The following GSE1 variants were observed in gnomAD, a reference collection of about 807,000 sequenced individuals.
GSE1 encodes the protein Gse1 coiled-coil protein.
A neutral mutation model predicts 112.6 loss-of-function variants in GSE1; 32 were observed. That is an observed-to-expected ratio of 0.28 (90% CI 0.21 to 0.38). The LOEUF is 0.38. GSE1 is among the 10% of genes least tolerant of loss of function. The pLI is 1.00. For missense variants in GSE1, 2,348 were observed against 1,699.2 expected, an observed-to-expected ratio of 1.38 and a Z score of -6.71; for synonymous variants, 1,115 against 735.6, an observed-to-expected ratio of 1.52 and a Z score of -8.35.
chr16:85,371,671 C>G (rs2047304203), intron 2 of GSE1, among the ~76,000 whole-genome samples: 1 of 152,198 alleles, frequency 6.6e-6, no homozygotes, highest in South Asian at 2.1e-4. Context: ...TTACGGGACA[C>G]AGGCTGGCAC....
At chr16:85,475,987 G>T (rs2050441953) in intron 2 of GSE1, among the ~76,000 whole-genome samples, 1 of 152,098 alleles carries the variant, frequency 6.6e-6, no homozygotes, top group South Asian at 2.1e-4. Flanking sequence ...TTGGAGTGCA[G>T]TGACACGATC....
intron 1 of GSE1, among the ~76,000 whole-genome samples, chr16:85,568,690 A>G (rs1326763049): frequency 6.6e-6 from 1 of 151,758 alleles, no homozygotes; most frequent in Non-Finnish European, 1.5e-5. Flanking sequence ...TTCCCCATTC[A>G]CTCCCTTAGT....
rs182065555 is a variant in GSE1, at chr16:85,488,600, C to T, written c.2464+130957C>T. 4.6e-5 allele frequency among the ~76,000 whole-genome samples: 7 copies of T among 152,098 alleles called. No individual in the cohort carries two copies. In the East Asian group the frequency reaches 1.4e-3, roughly 29 times the overall value. On this transcript the variant is annotated intron_variant, in intron 2 of 2. Coordinates refer to the GSE1 transcript ENST00000637419. ...CAGAGGCACCAGGCACTCAGGTTCT[C>T]GGTGAAAAGTGCCACAAGAGAGGAA...
At chr16:85,558,372 A>G (rs1010501831) in intron 1 of GSE1, among the ~76,000 whole-genome samples, 3 of 152,198 alleles carry the variant, frequency 2.0e-5, no homozygotes, top group African/African-American at 7.2e-5. Context: ...TCTTAAGTAC[A>G]GGGCGTCTTC....
At chr16:85,388,215 G>C (rs1031418319) in intron 2 of GSE1, among the ~76,000 whole-genome samples, 1 of 135,862 alleles carries the variant, frequency 7.4e-6, no homozygotes, top group Non-Finnish European at 1.6e-5. Context: ...GGGATGGATG[G>C]TTGGATACAT....
intron 1 of GSE1, among the ~76,000 whole-genome samples, chr16:85,347,674 T>G (rs2046771426): frequency 6.6e-6 from 1 of 151,826 alleles, no homozygotes; most frequent in African/African-American, 2.4e-5. Flanking sequence ...GACACACAGT[T>G]CCTGCCTCAC....
chr16:85,449,070 G>C (rs2049595275), intron 2 of GSE1, among the ~76,000 whole-genome samples: 1 of 152,220 alleles, frequency 6.6e-6, no homozygotes, highest in African/African-American at 2.4e-5. Flanking sequence ...AGGGAGCCGG[G>C]CTGGAAACCG....
At position 85,672,564 on chromosome 16, in the gene GSE1, C is replaced by CCTATAGTATAGAAATATT; in HGVS notation, c.*26_*43dup. 6.6e-7 allele frequency: 1 copy of CCTATAGTATAGAAATATT among 1,519,100 alleles called. No homozygotes were observed. Among genetic ancestry groups the CCTATAGTATAGAAATATT allele is most frequent in the Non-Finnish European group, 9.0e-7 (1 of 1,113,788 alleles). 94.1% of individuals were successfully genotyped at this position (1,519,100 alleles called of 1,614,324 possible). On this transcript the variant is annotated 3_prime_UTR_variant, in exon 16 of 16. Transcript: ENST00000253458. ...ACGGTTTCCCTTGCACTAGGCCGAACCTATAGTATAGAAATATTATCTATT... is the reference window on the plus strand; with the variant it reads ...ACGGTTTCCCTTGCACTAGGCCGAACCTATAGTATAGAAATATTCTATAGTATAGAAATATTATCTATT...
intron 1 of GSE1, among the ~76,000 whole-genome samples, chr16:85,330,786 A>C (rs2046321003): frequency 6.6e-6 from 1 of 152,220 alleles, no homozygotes; most frequent in Non-Finnish European, 1.5e-5. Flanking sequence ...GTGGCCAAGC[A>C]TGAGCCCTTG....
At chr16:85,439,814 A>C (rs559198298) in intron 2 of GSE1, among the ~76,000 whole-genome samples, 1 of 152,274 alleles carries the variant, frequency 6.6e-6, no homozygotes, top group Admixed American at 6.5e-5. Context: ...ACAGATCCAC[A>C]GGCACAGATG....
upstream of GSE1, among the ~76,000 whole-genome samples, chr16:85,612,340 C>T (rs559003018): frequency 2.1e-3 from 319 of 152,110 alleles, no homozygotes; most frequent in Non-Finnish European, 3.6e-3. Flanking sequence ...CCAGGAATTT[C>T]AGGACGCTCC....
chr16:85,275,428 A>G (rs771021113), intron 1 of GSE1, among the ~76,000 whole-genome samples: 5 of 152,226 alleles, frequency 3.3e-5, no homozygotes, highest in Admixed American at 6.5e-5. Flanking sequence ...CCTTGGCACC[A>G]GCAAGGAGCA....
At chr16:85,304,554 G>A (rs1311876389) in intron 1 of GSE1, among the ~76,000 whole-genome samples, 3 of 144,088 alleles carry the variant, frequency 2.1e-5, no homozygotes, top group South Asian at 2.3e-4. Context: ...AGGGAAGTGG[G>A]GAGCTTTTGA....
At chr16:85,220,306 C>T (rs2075369526) in intron 1 of GSE1, among the ~76,000 whole-genome samples, 3 of 152,166 alleles carry the variant, frequency 2.0e-5, no homozygotes, top group Admixed American at 2.0e-4. Flanking sequence ...TTTCCCTGCT[C>T]CTGGAGGAAT....
At chr16:85,571,565 C>T (rs374117195) in intron 1 of GSE1, among the ~76,000 whole-genome samples, 10 of 152,170 alleles carry the variant, frequency 6.6e-5, no homozygotes. Flanking sequence ...GGCCTGGGAG[C>T]GTCACCGGGT....
chr16:85,295,462 C>G (rs1431931010), intron 1 of GSE1, among the ~76,000 whole-genome samples: 1 of 152,246 alleles, frequency 6.6e-6, no homozygotes, highest in African/African-American at 2.4e-5. Context: ...TTTGCCCATC[C>G]ACCGCCGATG....
At chr16:85,312,208 G>GGGGT (rs1555559876) in intron 1 of GSE1, among the ~76,000 whole-genome samples, 1 of 149,306 alleles carries the variant, frequency 6.7e-6, no homozygotes, top group African/African-American at 2.6e-5. Context: ...CTCTTGCGGG[G>GGGGT]GGGGGGGGGA....
At chr16:85,535,465 G>A (rs529365814) in intron 2 of GSE1, among the ~76,000 whole-genome samples, 1 of 152,244 alleles carries the variant, frequency 6.6e-6, no homozygotes, top group Admixed American at 6.5e-5. Flanking sequence ...CCCTCAGCCT[G>A]TGTGACCCGG....
intron 1 of GSE1, among the ~76,000 whole-genome samples, chr16:85,235,840 G>T (rs1486098131): frequency 1.3e-5 from 2 of 151,988 alleles, no homozygotes; most frequent in African/African-American, 4.8e-5. Context: ...CCTTACGGGC[G>T]CCGGGGCAGC....
Sources: gnomAD v4.1 joint callset for allele counts (sites outside exome capture counted in the v4.1 genomes callset) on GRCh38, gnomAD v4.1.1 for gene constraint, MANE v1.5 for transcripts, NCBI Gene and HGNC (gene_info 2026-07-23, HGNC 2026-07-21) for gene names.